The following HECTD4 variants were observed in gnomAD, a reference collection of about 807,000 sequenced individuals.
HECTD4 encodes the protein HECT domain E3 ubiquitin protein ligase 4.
A neutral mutation model predicts 471.5 loss-of-function variants in HECTD4; 114 were observed. The observed-to-expected ratio is 0.24, with a 90% CI of 0.21 to 0.28. The LOEUF (loss-of-function observed/expected upper bound fraction) is 0.28. Ranked by LOEUF, HECTD4 falls within the 10% of genes least tolerant of loss-of-function variation. The pLI, the probability that HECTD4 is intolerant of heterozygous loss-of-function variation, is 1.00. For synonymous variants in HECTD4, 2,012 were observed against 2,256.0 expected, an observed-to-expected ratio of 0.89 and a Z score of 3.07; for missense variants, 3,866 against 5,651.5, an observed-to-expected ratio of 0.68 and a Z score of 10.13.
At chr12:112,266,426 T>C (rs1183141078) in intron 14 of HECTD4, among the ~76,000 whole-genome samples, 2 of 152,256 alleles carry the variant, frequency 1.3e-5, no homozygotes, top group African/African-American at 2.4e-5. Flanking sequence ...TGCAGATATA[T>C]AAAACATGGT....
Position 112,179,422 on chromosome 12 carries a change from C to A in HECTD4, c.10988-25G>T. 1.3e-6 allele frequency: 2 copies of A among 1,582,350 alleles called. No homozygotes were observed. The highest frequency in any genetic ancestry group is 1.7e-6 in the Non-Finnish European group (2 of 1,158,630). On this transcript the variant is annotated intron_variant, in intron 62 of 75. Coordinates refer to ENST00000682272, the MANE Select transcript of HECTD4 (RefSeq NM_001388303.1). The surrounding 1 kb of genome is among the most constrained non-coding windows in gnomAD (Gnocchi z 4.3). ...CCTGTTGGATGGAGAGGGGGCAAAA[C>A]AATTCTGCCGTGAACATGCATCGGG...
intron 4 of HECTD4, 26 bp from the exon 5 acceptor site, chr12:112,309,695 T>G: frequency 9.2e-7 from 1 of 1,085,600 alleles, no homozygotes; most frequent in South Asian, 1.4e-5. Context: ...CACAGGTAAA[T>G]TATATATATG....
At chr12:112,252,252 T>C (rs1358061534) in intron 23 of HECTD4, among the ~76,000 whole-genome samples, 172 bp downstream of exon 23, 1 of 152,194 alleles carries the variant, frequency 6.6e-6, no homozygotes, top group Admixed American at 6.5e-5. Context: ...CATGGCTAGT[T>C]TTATTCTGTA....
intron 13 of HECTD4, among the ~76,000 whole-genome samples, chr12:112,268,725 G>A (rs1289482745): frequency 6.7e-6 from 1 of 149,034 alleles, no homozygotes; most frequent in Non-Finnish European, 1.5e-5. Context: ...CACTGCACTC[G>A]AGCCTGGGCA....
At chr12:112,178,655 C>T (rs914633546) in intron 64 of HECTD4, among the ~76,000 whole-genome samples, 1 of 152,200 alleles carries the variant, frequency 6.6e-6, no homozygotes, top group Non-Finnish European at 1.5e-5. Context: ...CATGGTGAAA[C>T]CCCATCTCTA....
At chr12:112,367,519 C>T (rs1369884951) in intron 1 of HECTD4, among the ~76,000 whole-genome samples, 2 of 151,674 alleles carry the variant, frequency 1.3e-5, no homozygotes, top group Non-Finnish European at 2.9e-5. Context: ...TTTATAAACT[C>T]AACTGAAAAA....
In HECTD4 at chr12:112,237,082, A is replaced by C; in HGVS notation, c.5307T>G (p.Ala1769=). Residue 1769 remains alanine, a synonymous_variant, in exon 35 of 76, where the codon GCT becomes GCG. Transcript: ENST00000682272. ...WEKEEGGSTE[A]VHSGLARQVS... ...CCTGCCGGGCCAGACCTGAGTGCAC[A>C]GCCTCTGTGGAGCCACCTTCACAGT... The C allele has an allele frequency of 6.3e-7, 1 of 1,585,622 alleles. No homozygotes were observed. The highest frequency in any genetic ancestry group is 8.6e-7 in the Non-Finnish European group (1 of 1,166,308).
chr12:112,194,835 G>A lies in HECTD4; in HGVS notation c.8749+50C>T, dbSNP rs371821130. On this transcript the variant is annotated intron_variant, in intron 56 of 75. Coordinates refer to ENST00000682272, the MANE Select transcript of HECTD4 (RefSeq NM_001388303.1). The surrounding 1 kb of genome is among the most constrained non-coding windows in gnomAD (Gnocchi z 4.6). ...AGGGAATGACTACACTGTGCACAGC[G>A]CCCGCCTGGTGCTAAGTTCCAGAGT... 2.0e-5 allele frequency: 30 copies of A among 1,518,886 alleles called. No homozygotes were observed. The African/African-American group carries it at 3.8e-4, about 19-fold the overall frequency. The allele number at this position is 1,518,886 out of a possible 1,614,324, so 94.1% of individuals were successfully genotyped here. A position where few individuals can be genotyped will look rare whatever the true frequency, so the allele number is the denominator to read the frequency against.
chr12:112,183,172 A>G lies in HECTD4; in HGVS notation c.10874T>C (p.Leu3625Ser), dbSNP rs1481282219. The G allele has an allele frequency of 1.2e-6, 2 of 1,613,530 alleles. No individual in the cohort carries two copies. Among genetic ancestry groups the G allele is most frequent in the East Asian group, 4.5e-5 (2 of 44,896 alleles). ...AATCTCTTCTGTTGACATTTCCATC[A>G]ATTCATCTTCACCATCCAAACTTGA... ...GLSSLDGEDELMEMSTEEILT... is the reference protein window; with the variant it reads ...GLSSLDGEDESMEMSTEEILT... The change falls in exon 62 of 76, where the codon TTG (leucine) becomes TCG (serine). Residue 3625 changes from leucine (L) to serine (S), a missense_variant. Coordinates refer to ENST00000682272, the MANE Select transcript of HECTD4 (RefSeq NM_001388303.1).
chr12:112,188,621 G>A lies in HECTD4; in HGVS notation c.9472+2165C>T, dbSNP rs2031966670. 6.6e-6 allele frequency among the ~76,000 whole-genome samples: 1 copy of A among 152,224 alleles called. No homozygotes were observed. Among genetic ancestry groups the A allele is most frequent in the Non-Finnish European group, 1.5e-5 (1 of 68,032 alleles). On this transcript the variant is annotated intron_variant, in intron 60 of 75. Coordinates refer to ENST00000682272, the MANE Select transcript of HECTD4 (RefSeq NM_001388303.1). This position sits in a 1 kb window ranked among gnomAD's most constrained non-coding sequence, Gnocchi z 4.2. ...AACTGCAGTTTGCTACATCCAGATG[G>A]CTCTTGTACAGGATAAAAGATTACT...
chr12:112,320,466 G>C (rs775796086), intron 1 of HECTD4, among the ~76,000 whole-genome samples: 5 of 152,310 alleles, frequency 3.3e-5, no homozygotes, highest in East Asian at 3.9e-4. Context: ...TTGGAAGGCA[G>C]AGGCGGGCAG....
At position 112,161,828 on chromosome 12, in the gene HECTD4, G is replaced by A. The variant is rs1003644430; in HGVS notation, c.*559C>T. ...AGACCGGGAGCAAGTTCTAAAGCAGGAAGATGAACACATAAAGCTCCCTGT... is the reference window on the plus strand; with the variant it reads ...AGACCGGGAGCAAGTTCTAAAGCAGAAAGATGAACACATAAAGCTCCCTGT... On this transcript the variant is annotated 3_prime_UTR_variant, in exon 76 of 76. Transcript: ENST00000682272. 21 of 152,282 alleles carry A rather than the reference G, an allele frequency of 1.4e-4. No homozygotes were observed. Among genetic ancestry groups the A allele is most frequent in the African/African-American group, 5.1e-4 (21 of 41,444 alleles). The allele number at this position is 152,282 out of a possible 1,614,324, so 9.4% of individuals were successfully genotyped here.
At chr12:112,198,622 G>T (rs888305453) in intron 55 of HECTD4, among the ~76,000 whole-genome samples, 1 of 152,152 alleles carries the variant, frequency 6.6e-6, no homozygotes, top group African/African-American at 2.4e-5. Context: ...CTCTCTTGAG[G>T]AAAAAGGATG....
In HECTD4 at chr12:112,162,258, G is replaced by C; in HGVS notation, c.*129C>G. 9.5e-7 allele frequency: 1 copy of C among 1,052,454 alleles called. No individual in the cohort carries two copies. Among genetic ancestry groups the C allele is most frequent in the Admixed American group, 2.1e-5 (1 of 46,568 alleles). The allele number at this position is 1,052,454 out of a possible 1,614,324, so 65.2% of individuals were successfully genotyped here. A position where few individuals can be genotyped will look rare whatever the true frequency, so the allele number is the denominator to read the frequency against. On this transcript the variant is annotated 3_prime_UTR_variant, in exon 76 of 76. Transcript: ENST00000682272. The surrounding 1 kb of genome is among the most constrained non-coding windows in gnomAD (Gnocchi z 5.2). ...TTCCAGGAGGCCCTGGAATGTGGAC[G>C]AAAGTTTGGAAAAGCAAAATGTTGC...
Position 112,172,746 on chromosome 12 carries a change from G to C in HECTD4, c.11710C>G (p.Pro3904Ala). 2 of 1,614,036 alleles carry C rather than the reference G, an allele frequency of 1.2e-6. No homozygotes were observed. ...ACCTCATGGGGATGGAGCCGTGCGG[G>C]TGTGATGGCGAGGTGGCGGCATAGC... ...NQLCRHLAITPARLHPHEVYL... is the reference protein window; with the variant it reads ...NQLCRHLAITAARLHPHEVYL... The change falls in exon 67 of 76, where the codon CCC becomes GCC. Residue 3904 changes from proline (P) to alanine (A), a missense_variant. Physicochemically the swap from Pro to Ala is conservative, Grantham distance 27. Around this residue, in one of 16 missense-constraint regions of HECTD4, gnomAD observed 715 missense variants for 1,087.6 expected, o/e 0.66. Coordinates refer to ENST00000682272, the MANE Select transcript of HECTD4 (RefSeq NM_001388303.1).
chr12:112,272,158 C>T (rs2034427611), intron 11 of HECTD4, among the ~76,000 whole-genome samples: 1 of 152,116 alleles, frequency 6.6e-6, no homozygotes, highest in Non-Finnish European at 1.5e-5. Flanking sequence ...AGTGATTCTC[C>T]TGCCCTAGCC....
At chr12:112,223,608 C>A (rs1241386902) in intron 44 of HECTD4, among the ~76,000 whole-genome samples, 1 of 152,126 alleles carries the variant, frequency 6.6e-6, no homozygotes. Flanking sequence ...TGAGTAGAGA[C>A]AGGGCTTCAC....
At position 112,235,458 on chromosome 12, in the gene HECTD4, G is replaced by T; in HGVS notation, c.5725+46C>A. 3 of 1,559,174 alleles carry T rather than the reference G, an allele frequency of 1.9e-6. No homozygotes were observed. Among genetic ancestry groups the T allele is most frequent in the Non-Finnish European group, 2.6e-6 (3 of 1,153,436 alleles). On this transcript the variant is annotated intron_variant, in intron 36 of 75. Transcript: ENST00000682272. This position sits in a 1 kb window ranked among gnomAD's most constrained non-coding sequence, Gnocchi z 5.0. The stretch of plus-strand genomic sequence containing the variant: ...TGCAAGGGGGACCTGACTGGGCACA[G>T]GAATGCTGCACTGCCATGCTACTCT...
At position 112,381,995 on chromosome 12, in the gene HECTD4, C is replaced by G; in HGVS notation, c.134G>C (p.Ser45Thr). The change falls in exon 1 of 76, where the codon AGC (serine) becomes ACC (threonine). Residue 45 changes from serine to threonine, a missense_variant. By Grantham distance (58) the Ser-to-Thr change is moderately conservative. Coordinates refer to ENST00000682272, the MANE Select transcript of HECTD4 (RefSeq NM_001388303.1). The surrounding 1 kb of genome is among the most constrained non-coding windows in gnomAD (Gnocchi z 4.1). ...IRVTDLAELP[S>T]EILGAPEAAD... The stretch of plus-strand genomic sequence containing the variant: ...GGCCTCTGGGGCCCCGAGGATCTCG[C>G]TGGGCAGCTCGGCCAGGTCGGTGAC... 1 of 1,224,900 alleles carries G rather than the reference C, an allele frequency of 8.2e-7. No individual in the cohort carries two copies. The highest frequency in any genetic ancestry group is 1.0e-6 in the Non-Finnish European group (1 of 983,498). 75.9% of individuals were successfully genotyped at this position (1,224,900 alleles called of 1,614,324 possible).
Sources: gnomAD v4.1 joint callset for allele counts (sites outside exome capture counted in the v4.1 genomes callset) on GRCh38, gnomAD v4.1.1 for gene constraint, gnomAD v4.1.1 regional missense constraint, Gnocchi (gnomAD v3.1) non-coding constraint, MANE v1.5 for transcripts, NCBI Gene and HGNC (gene_info 2026-07-23, HGNC 2026-07-21) for gene names.